PLCL2: variants seen among roughly 807,000 people sequenced by gnomAD.
The protein encoded by PLCL2 is inactive phospholipase C-like protein 2.
Under a neutral mutation model 79.6 loss-of-function variants are expected in PLCL2, and 4 were observed. The ratio of observed to expected loss-of-function variants is 0.05; its 90% confidence interval spans 0.02 to 0.11. The LOEUF (loss-of-function observed/expected upper bound fraction) is 0.11. Among genes scored for constraint, PLCL2 ranks in the 10% least tolerant of loss-of-function variants. PLCL2 has a pLI of 1.00. For synonymous variants in PLCL2, 484 were observed against 457.7 expected (o/e 1.06, Z -0.73); for missense variants, 895 against 1,291.0 (o/e 0.69, Z 4.70).
intron 1 of PLCL2, among the ~76,000 whole-genome samples, chr3:16,907,549 G>GCCCA (rs763909479): frequency 1.5e-4 from 23 of 152,196 alleles, no homozygotes; most frequent in Non-Finnish European, 2.5e-4. Flanking sequence ...GCATTATGAT[G>GCCCA]CCCAGTTCCC....
intron 1 of PLCL2, among the ~76,000 whole-genome samples, chr3:16,977,032 T>C (rs529473366): frequency 6.6e-6 from 1 of 152,162 alleles, no homozygotes; most frequent in South Asian, 2.1e-4. Context: ...TTAAATATAA[T>C]GGACATTATT....
chr3:16,887,870 C>T lies in PLCL2; in HGVS notation c.327+2504C>T, dbSNP rs1575510556. 6.6e-6 allele frequency among the ~76,000 whole-genome samples: 1 copy of T among 151,928 alleles called. No homozygotes were observed. Among genetic ancestry groups the T allele is most frequent in the East Asian group, 1.9e-4 (1 of 5,172 alleles). On this transcript the variant is annotated intron_variant, in intron 1 of 5. Coordinates refer to ENST00000615277, the MANE Select transcript of PLCL2 (RefSeq NM_001144382.2). This position sits in a 1 kb window ranked among gnomAD's most constrained non-coding sequence, Gnocchi z 4.1. ...CAATAGTGACATCTTTCCTTGGTTT[C>T]CTTATTTTTTTTAATATAAGGGATG...
intron 5 of PLCL2, among the ~76,000 whole-genome samples, chr3:17,075,245 G>A (rs2065097930): frequency 6.6e-6 from 1 of 152,050 alleles, no homozygotes; most frequent in African/African-American, 2.4e-5. Context: ...ATGTCATTAG[G>A]GAGGCCTGAA....
At chr3:17,031,526 G>C (rs1474150721) in intron 3 of PLCL2, among the ~76,000 whole-genome samples, 1 of 152,200 alleles carries the variant, frequency 6.6e-6, no homozygotes, top group East Asian at 1.9e-4. Context: ...ATGTAGCTTA[G>C]AAAAGCTGAA....
intron 1 of PLCL2, among the ~76,000 whole-genome samples, chr3:16,967,883 T>C (rs1301177972): frequency 6.6e-6 from 1 of 152,152 alleles, no homozygotes; most frequent in Non-Finnish European, 1.5e-5. Flanking sequence ...TTCCAGAATT[T>C]TTATAGTTTT....
At chr3:16,921,493 A>T (rs1292265172) in intron 1 of PLCL2, among the ~76,000 whole-genome samples, 1 of 152,162 alleles carries the variant, frequency 6.6e-6, no homozygotes, top group African/African-American at 2.4e-5. Context: ...ATGAGCTGAG[A>T]ATAATCTTTT....
chr3:16,995,207 G>T (rs750367995), intron 1 of PLCL2, among the ~76,000 whole-genome samples: 3 of 152,240 alleles, frequency 2.0e-5, no homozygotes, highest in Non-Finnish European at 2.9e-5. Context: ...ATGTCCTTTA[G>T]TGTAGTTTAT....
intron 1 of PLCL2, among the ~76,000 whole-genome samples, chr3:16,988,062 G>T (rs1368954882): frequency 1.3e-5 from 2 of 152,128 alleles, no homozygotes; most frequent in Admixed American, 6.6e-5. Flanking sequence ...CCTGGGATCC[G>T]ATGGAAATTC....
chr3:16,888,643 A>G (rs1696277848), intron 1 of PLCL2, among the ~76,000 whole-genome samples: 1 of 152,186 alleles, frequency 6.6e-6, no homozygotes, highest in Admixed American at 6.5e-5. Flanking sequence ...AATATAATCT[A>G]TGCTTTATTT....
intron 1 of PLCL2, among the ~76,000 whole-genome samples, chr3:16,965,099 C>G (rs201452754): frequency 6.6e-6 from 1 of 151,382 alleles, no homozygotes; most frequent in Non-Finnish European, 1.5e-5. Flanking sequence ...CTTGCCCATG[C>G]CTATGTCCTG....
chr3:16,996,580 A>G (rs984523642), intron 1 of PLCL2, among the ~76,000 whole-genome samples: 1 of 152,208 alleles, frequency 6.6e-6, no homozygotes, highest in Non-Finnish European at 1.5e-5. Context: ...GGCCAGTGAC[A>G]TAAGGAAGCT....
At chr3:16,899,610 C>T (rs1696571621) in intron 1 of PLCL2, among the ~76,000 whole-genome samples, 2 of 152,030 alleles carry the variant, frequency 1.3e-5, no homozygotes, top group South Asian at 2.1e-4. Flanking sequence ...GTAAAAAGTG[C>T]GTGAAATCTT....
chr3:16,902,881 T>TGTGTGTGTGTGTGTGTGC lies in PLCL2; in HGVS notation c.327+17516_327+17517insTGTGTGTGTGTGTGTGCG, dbSNP rs1272936432. 3.6e-4 allele frequency among the ~76,000 whole-genome samples: 48 copies of TGTGTGTGTGTGTGTGTGC among 133,908 alleles called. No individual in the cohort carries two copies. In the South Asian group the frequency reaches 3.8e-3, roughly 11 times the overall value. 87.8% of individuals were successfully genotyped at this position (133,908 alleles called of 152,430 possible). A position where few individuals can be genotyped will look rare whatever the true frequency, so the allele number is the denominator to read the frequency against. On this transcript the variant is annotated intron_variant, in intron 1 of 5. Transcript: ENST00000615277. The stretch of plus-strand genomic sequence containing the variant: ...GTGTGTGTGTGTGTGTGTGTGTGTG[T>TGTGTGTGTGTGTGTGTGC]GNGCGCATGTGCATGCTTTGGAAGG...
Position 16,907,106 on chromosome 3 carries a change from C to A in PLCL2, c.327+21740C>A, listed in dbSNP as rs547591369. 8.5e-4 allele frequency among the ~76,000 whole-genome samples: 129 copies of A among 152,260 alleles called. 1 individual carries two copies. Among genetic ancestry groups the A allele is most frequent in the African/African-American group, 3.0e-3 (124 of 41,544 alleles). ...TAGTTTTTAGTGTCTTATCATCCTCCTTTCTACTTATATATTTAATTTAAG... is the reference window on the plus strand; with the variant it reads ...TAGTTTTTAGTGTCTTATCATCCTCATTTCTACTTATATATTTAATTTAAG... On this transcript the variant is annotated intron_variant, in intron 1 of 5. Coordinates refer to ENST00000615277, the MANE Select transcript of PLCL2 (RefSeq NM_001144382.2).
intron 1 of PLCL2, among the ~76,000 whole-genome samples, chr3:16,958,981 A>T (rs188882419): frequency 6.6e-5 from 10 of 152,088 alleles, no homozygotes; most frequent in Admixed American, 3.3e-4. Context: ...AACCTCACCA[A>T]CACCTCAGAC....
chr3:17,089,862 C>T lies in PLCL2; in HGVS notation c.3334C>T (p.Arg1112Trp), dbSNP rs765344705. The T allele has an allele frequency of 1.2e-5, 20 of 1,613,776 alleles. No individual in the cohort carries two copies. The highest frequency in any genetic ancestry group is 1.4e-5 in the Non-Finnish European group (17 of 1,179,874). Residue 1112 changes from arginine to tryptophan, a missense_variant, in exon 6 of 6, where the codon CGG becomes TGG. Physicochemically the swap from Arg to Trp is moderately radical, Grantham distance 101 (BLOSUM62 -3). Coordinates refer to ENST00000615277, the MANE Select transcript of PLCL2 (RefSeq NM_001144382.2). Reference sequence around the variant, plus strand: ...AAATGCTGATGTCCAGAAGCCACGCCGGAGCTTGGAAGTCATACCCGAAAA... The same window carrying T: ...AAATGCTGATGTCCAGAAGCCACGCTGGAGCTTGGAAGTCATACCCGAAAA... ...TENADVQKPR[R>W]SLEVIPEKAN... is the part of the protein sequence containing the mutation.
Position 17,045,951 on chromosome 3 carries a change from G to A in PLCL2, c.3094+3002G>A, listed in dbSNP as rs115604944. 5.8e-3 allele frequency among the ~76,000 whole-genome samples: 889 copies of A among 152,278 alleles called. 4 individuals are homozygous for A. The highest frequency in any genetic ancestry group is 9.2e-3 in the Non-Finnish European group (624 of 68,022). ...ACACCAACTTTGGGGGTGAGGAAGT[G>A]AAAGCGGGGATTCAAGACAGGGGCA... On this transcript the variant is annotated intron_variant, in intron 4 of 5. Transcript: ENST00000615277.
At chr3:16,894,488 A>G (rs529934358) in intron 1 of PLCL2, among the ~76,000 whole-genome samples, 10 of 152,256 alleles carry the variant, frequency 6.6e-5, no homozygotes, top group Non-Finnish European at 1.5e-4. Context: ...AGACATGTGT[A>G]CATTCAGCTT....
intron 5 of PLCL2, among the ~76,000 whole-genome samples, chr3:17,086,796 A>T (rs2124959549): frequency 6.6e-6 from 1 of 152,298 alleles, no homozygotes; most frequent in Non-Finnish European, 1.5e-5. Context: ...CTCTTAAAAA[A>T]TGCAAAGAAC....
Sources: allele counts gnomAD v4.1 joint callset (sites outside exome capture counted in the v4.1 genomes callset), GRCh38; gene constraint gnomAD v4.1.1; non-coding constraint Gnocchi (gnomAD v3.1); transcripts MANE v1.5; gene names NCBI Gene and HGNC (gene_info 2026-07-23, HGNC 2026-07-21).